The following INF2 variants were observed in gnomAD, a reference collection of about 807,000 sequenced individuals.
INF2 encodes the protein inverted formin-2.
INF2 carries 43 observed loss-of-function variants against 123.5 expected under a neutral mutation model. That is an observed-to-expected ratio of 0.35 (90% confidence interval 0.27 to 0.45). The LOEUF (loss-of-function observed/expected upper bound fraction) is 0.45. INF2 is among the 20% of genes least tolerant of loss of function. INF2 has a pLI of 1.00. For missense variants in INF2, 1,453 were observed against 1,682.7 expected (o/e 0.86, Z 2.39); for synonymous variants, 851 against 745.0 (o/e 1.14, Z -2.32).
At chr14:104,709,202 G>A in intron 10 of INF2, 79 bp from the exon 11 acceptor site, 1 of 1,125,830 alleles carries the variant, frequency 8.9e-7, no homozygotes, top group Non-Finnish European at 1.3e-6. Flanking sequence ...GGGAAACCCT[G>A]CCAGGTGGGG....
chr14:104,688,158 C>A (rs997142736), upstream of INF2, among the ~76,000 whole-genome samples: 2 of 152,258 alleles, frequency 1.3e-5, no homozygotes, highest in Non-Finnish European at 2.9e-5. Context: ...CTAGGAGCAG[C>A]GGCCGCCCAG....
rs978610867 is a variant in INF2, at chr14:104,709,199, C to A, written c.1950-82C>A. Reference sequence around the variant, plus strand: ...CCACCCCATGACTACGTGGGGAAACCCTGCCAGGTGGGGTCCCAAAGAGGC... The same window carrying A: ...CCACCCCATGACTACGTGGGGAAACACTGCCAGGTGGGGTCCCAAAGAGGC... On this transcript the variant is annotated intron_variant, in intron 10 of 22. Transcript: ENST00000392634. 3.7e-5 allele frequency: 40 copies of A among 1,095,438 alleles called. No individual in the cohort carries two copies. In the African/African-American group the frequency reaches 6.0e-4, roughly 17 times the overall value. 67.9% of individuals were successfully genotyped at this position (1,095,438 alleles called of 1,614,324 possible).
Position 104,707,107 on chromosome 14 carries a change from T to C in INF2, c.985+56T>C. 3 of 1,534,874 alleles carry C rather than the reference T, an allele frequency of 2.0e-6. No individual in the cohort carries two copies. In the South Asian group the frequency reaches 3.6e-5, roughly 18 times the overall value. ...GCCTGGTGGGCAGACACTGAGGTCT[T>C]AGACCATGGGGGGGGGAGCCTGCCC... is the stretch of plus-strand genomic sequence containing the variant. On this transcript the variant is annotated intron_variant, in intron 7 of 22. Transcript: ENST00000392634.
At position 104,709,673 on chromosome 14, in the gene INF2, C is replaced by A. The variant is rs765761299; in HGVS notation, c.2106C>A (p.Asp702Glu). 6.2e-7 allele frequency: 1 copy of A among 1,612,724 alleles called. No individual in the cohort carries two copies. The highest frequency in any genetic ancestry group is 1.7e-5 in the Admixed American group (1 of 60,028). ...AGCGAGCCAAGCTGGCCAGCGCCGA[C>A]CACTTCTACCTCCTCCTGCTGGCCA... ...TEERAKLASADHFYLLLLAIP... is the reference protein window; with the variant it reads ...TEERAKLASAEHFYLLLLAIP... The change falls in exon 12 of 23, where the codon GAC becomes GAA. Residue 702 changes from aspartate to glutamate, a missense_variant. By Grantham distance (45) the Asp-to-Glu change is conservative. This residue lies in a region of INF2 where 192 missense variants were observed against 274.4 expected (regional missense o/e 0.70). Transcript: ENST00000392634.
At chr14:104,709,821 C>A in intron 12 of INF2, 116 bp downstream of exon 12, 1 of 917,104 alleles carries the variant, frequency 1.1e-6, no homozygotes, top group Non-Finnish European at 1.8e-6. Context: ...CTGCCCCGGG[C>A]TCCAGGAGCA....
At chr14:104,711,478 C>A in intron 15 of INF2, 151 bp from the exon 16 acceptor site, 2 of 756,416 alleles carry the variant, frequency 2.6e-6, no homozygotes, top group Admixed American at 2.0e-5. Context: ...AAAGTCATAG[C>A]CAGGCCCAAG....
chr14:104,710,005 A>G, intron 12 of INF2, 83 bp from the exon 13 acceptor site: 1 of 1,230,674 alleles, frequency 8.1e-7, no homozygotes, highest in Non-Finnish European at 1.2e-6. Flanking sequence ...CCACCACCCA[A>G]GCCAGAGCCC....
chr14:104,703,482 C>T (rs772858450), intron 4 of INF2, 28 bp downstream of exon 4: 42 of 1,607,138 alleles, frequency 2.6e-5, no homozygotes, highest in Non-Finnish European at 3.2e-5. Context: ...GCCGCATGCC[C>T]GCTCCTGCCC....
chr14:104,714,261 G>A lies in INF2; in HGVS notation c.3099G>A (p.Glu1033=), dbSNP rs1890188792. 1.3e-6 allele frequency: 2 copies of A among 1,592,876 alleles called. No homozygotes were observed. The highest frequency in any genetic ancestry group is 1.1e-5 in the South Asian group (1 of 87,696). The change falls in exon 21 of 23, where the codon GAG becomes GAA. Residue 1033 remains glutamate (E), a synonymous_variant. Coordinates refer to ENST00000392634, the MANE Select transcript of INF2 (RefSeq NM_022489.4). The part of the protein sequence containing the change: ...PVGSTRCPAS[E]PGLDATTASE... ...GCAGCACGCGCTGTCCCGCCTCTGA[G>A]CCCGGCCTTGATGCTACAACAGCCA...
At chr14:104,683,871 G>T (rs1888593325) in intron 1 of INF2, among the ~76,000 whole-genome samples, 1 of 152,120 alleles carries the variant, frequency 6.6e-6, no homozygotes, top group Non-Finnish European at 1.5e-5. Context: ...AGTCTGCAGG[G>T]TTCAAGGCCA....
intron 5 of INF2, among the ~76,000 whole-genome samples, 168 bp from the exon 6 acceptor site, chr14:104,705,867 G>A (rs183712854): frequency 2.5e-4 from 38 of 152,326 alleles, no homozygotes; most frequent in East Asian, 1.5e-3. Context: ...CTCTTAGGTC[G>A]CTATCCCTGG....
At position 104,707,697 on chromosome 14, in the gene INF2, C is replaced by A; in HGVS notation, c.1430C>A (p.Pro477Gln). Residue 477 changes from proline to glutamine, a missense_variant, in exon 8 of 23, where the codon CCA becomes CAA. Pro to Gln is a moderately conservative substitution (Grantham distance 76). Coordinates refer to ENST00000392634, the MANE Select transcript of INF2 (RefSeq NM_022489.4). ...GAMAPPAPPL[P>Q]PPLPGSCEFL... ...ATGGCCCCCCCAGCACCTCCTCTAC[C>A]ACCACCCCTGCCAGGCTCCTGTGAG... 1.7e-6 allele frequency: 2 copies of A among 1,152,294 alleles called. No individual in the cohort carries two copies. The highest frequency in any genetic ancestry group is 2.5e-6 in the Non-Finnish European group (2 of 805,894). The allele number at this position is 1,152,294 out of a possible 1,614,324, so 71.4% of individuals were successfully genotyped here. A position where few individuals can be genotyped will look rare whatever the true frequency, so the allele number is the denominator to read the frequency against.
At chr14:104,698,024 C>CGGCTGTAGAAAAGA (rs1327376019) in intron 1 of INF2, among the ~76,000 whole-genome samples, 1 of 152,244 alleles carries the variant, frequency 6.6e-6, no homozygotes, top group Admixed American at 6.5e-5. Context: ...GAGCTGGTGC[C>CGGCTGTAGAAAAGA]GGCTGTAGAA....
chr14:104,713,721 T>G, intron 20 of INF2, 115 bp downstream of exon 20: 4 of 1,176,012 alleles, frequency 3.4e-6, no homozygotes, highest in Non-Finnish European at 4.8e-6. Context: ...TGGGCCACCC[T>G]GGAGGCCCCT....
chr14:104,683,928 T>C (rs896457175), intron 1 of INF2: 1 of 405,594 alleles, frequency 2.5e-6, no homozygotes, highest in African/African-American at 2.1e-5. Context: ...AGACTATGGG[T>C]TGGGGTGCGG....
Position 104,703,110 on chromosome 14 carries a change from G to A in INF2, c.397G>A (p.Asp133Asn), listed in dbSNP as rs774135330. The A allele has an allele frequency of 3.7e-6, 6 of 1,613,306 alleles. No homozygotes were observed. Among genetic ancestry groups the A allele is most frequent in the Non-Finnish European group, 5.1e-6 (6 of 1,179,772 alleles). The change falls in exon 3 of 23, where the codon GAC becomes AAC. Residue 133 changes from aspartate (D) to asparagine (N), a missense_variant. Physicochemically the swap from Asp to Asn is conservative, Grantham distance 23. Transcript: ENST00000392634. ...TGCCCACTCCACCCTGGCAGCCCTG[G>A]ACACATCCAACGTGATGGTGAAGAA... ...GYVRQLSQAL[D>N]TSNVMVKKQV...
upstream of INF2, among the ~76,000 whole-genome samples, chr14:104,685,423 A>C (rs536234940): frequency 7.2e-5 from 11 of 152,318 alleles, no homozygotes; most frequent in East Asian, 2.1e-3. Flanking sequence ...CAGCAGGCAA[A>C]GCTGCCAGCT....
At chr14:104,687,320 C>A (rs963435055), upstream of INF2, among the ~76,000 whole-genome samples, 2 of 152,070 alleles carry the variant, frequency 1.3e-5, no homozygotes, top group Non-Finnish European at 2.9e-5. This position sits in a 1 kb window ranked among gnomAD's most constrained non-coding sequence, Gnocchi z 5.6. Context: ...GAGGAGGGGG[C>A]CTCTGTATGT....
chr14:104,685,567 AGTGGGTGGATGGGTGGATGAAAGG>A (rs1193425258), upstream of INF2, among the ~76,000 whole-genome samples: 2 of 45,548 alleles, frequency 4.4e-5, no homozygotes, highest in Non-Finnish European at 8.6e-5. Flanking sequence ...TGGAAGGGTG[AGTGGGTGGATGGGTGGATGAAAGG>A]GTGGGTGGGT....
Sources: gnomAD v4.1 joint callset for allele counts (sites outside exome capture counted in the v4.1 genomes callset) on GRCh38, gnomAD v4.1.1 for gene constraint, gnomAD v4.1.1 regional missense constraint, Gnocchi (gnomAD v3.1) non-coding constraint, MANE v1.5 for transcripts, NCBI Gene and HGNC (gene_info 2026-07-23, HGNC 2026-07-21) for gene names.